Variants in DSCAM observed in about 807,000 individuals in gnomAD.
The protein encoded by DSCAM is DS cell adhesion molecule.
A neutral mutation model predicts 217.7 loss-of-function variants in DSCAM; 47 were observed. That is an observed-to-expected ratio of 0.22 (90% confidence interval 0.17 to 0.28). The LOEUF (loss-of-function observed/expected upper bound fraction) is 0.28. Ranked by LOEUF, DSCAM falls within the 10% of genes least tolerant of loss-of-function variation. The pLI, the probability that DSCAM is intolerant of heterozygous loss-of-function variation, is 1.00. For synonymous variants in DSCAM, 1,056 were observed against 1,015.3 expected, an observed-to-expected ratio of 1.04 and a Z score of -0.76; for missense variants, 2,080 against 2,618.3, an observed-to-expected ratio of 0.79 and a Z score of 4.49.
intron 5 of DSCAM, among the ~76,000 whole-genome samples, chr21:40,350,877 CTTTTTTTTTTTT>C (rs10658416): frequency 3.1e-5 from 2 of 63,872 alleles, no homozygotes; most frequent in South Asian, 8.2e-4. Context: ...ATAAGTCATA[CTTTTTTTTTTTT>C]TTTTTTTTTT....
At chr21:40,140,764 C>T (rs954780343) in intron 18 of DSCAM, among the ~76,000 whole-genome samples, 38 of 152,138 alleles carry the variant, frequency 2.5e-4, no homozygotes, top group African/African-American at 8.0e-4. Flanking sequence ...TAAATCTGCC[C>T]TTCTGTGGGG....
chr21:40,470,690 A>C (rs2075881127), intron 3 of DSCAM, among the ~76,000 whole-genome samples: 1 of 152,268 alleles, frequency 6.6e-6, no homozygotes, highest in East Asian at 1.9e-4. Context: ...AGAAGCTGGA[A>C]CTACAGGTTT....
chr21:40,679,989 T>C (rs1184196329), intron 3 of DSCAM, among the ~76,000 whole-genome samples: 1 of 152,026 alleles, frequency 6.6e-6, no homozygotes, highest in Non-Finnish European at 1.5e-5. Flanking sequence ...ATACAAACAC[T>C]TTAGACAGAA....
At chr21:40,242,334 C>T (rs185147170) in intron 11 of DSCAM, among the ~76,000 whole-genome samples, 1 of 152,308 alleles carries the variant, frequency 6.6e-6, no homozygotes, top group Admixed American at 6.5e-5. Context: ...ACCTGGGAAA[C>T]TTGTTCTGCC....
intron 8 of DSCAM, among the ~76,000 whole-genome samples, chr21:40,330,888 A>G (rs540953352): frequency 6.4e-4 from 98 of 152,346 alleles, no homozygotes; most frequent in Non-Finnish European, 1.1e-3. Flanking sequence ...ATACGTTACC[A>G]TTCTATTTTT....
intron 3 of DSCAM, among the ~76,000 whole-genome samples, chr21:40,553,623 C>T (rs1206859897): frequency 6.6e-6 from 1 of 152,192 alleles, no homozygotes; most frequent in Non-Finnish European, 1.5e-5. Context: ...AATCCTTCCT[C>T]TTCTAGCCAA....
chr21:40,156,393 C>A (rs1246071558), intron 16 of DSCAM, among the ~76,000 whole-genome samples: 1 of 148,904 alleles, frequency 6.7e-6, no homozygotes, highest in Non-Finnish European at 1.5e-5. Flanking sequence ...GTTGTTGCAG[C>A]CTTTGTCATT....
At chr21:40,549,990 G>A (rs1357498954) in intron 3 of DSCAM, among the ~76,000 whole-genome samples, 1 of 152,166 alleles carries the variant, frequency 6.6e-6, no homozygotes, top group Non-Finnish European at 1.5e-5. Context: ...AGGATCCATG[G>A]AGCATCAAGC....
intron 3 of DSCAM, among the ~76,000 whole-genome samples, chr21:40,614,833 A>G (rs548304405): frequency 3.3e-5 from 5 of 152,356 alleles, no homozygotes; most frequent in African/African-American, 1.2e-4. Flanking sequence ...AAGAACATCA[A>G]CAGGATTACA....
chr21:40,777,041 A>G (rs1463132307), intron 1 of DSCAM, among the ~76,000 whole-genome samples: 1 of 152,164 alleles, frequency 6.6e-6, no homozygotes, highest in East Asian at 1.9e-4. Flanking sequence ...CATAGACTGG[A>G]TGACTTATAA....
At chr21:40,523,420 C>T (rs930289022) in intron 3 of DSCAM, among the ~76,000 whole-genome samples, 2 of 151,974 alleles carry the variant, frequency 1.3e-5, no homozygotes, top group African/African-American at 2.4e-5. Context: ...GGCTGGACTT[C>T]GGGAGGAATG....
chr21:40,335,105 T>A (rs1272388939), intron 8 of DSCAM, among the ~76,000 whole-genome samples: 1 of 152,106 alleles, frequency 6.6e-6, no homozygotes, highest in Admixed American at 6.6e-5. Context: ...CTTCCCCAGG[T>A]ATCCATGAGC....
At chr21:40,606,358 C>A (rs902064831) in intron 3 of DSCAM, among the ~76,000 whole-genome samples, 1 of 152,168 alleles carries the variant, frequency 6.6e-6, no homozygotes, top group East Asian at 1.9e-4. Flanking sequence ...TGAGAGCCTG[C>A]ATTGCCAGAT....
At chr21:40,143,195 T>C (rs1384326910) in intron 17 of DSCAM, among the ~76,000 whole-genome samples, 2 of 152,246 alleles carry the variant, frequency 1.3e-5, no homozygotes, top group Non-Finnish European at 2.9e-5. Flanking sequence ...TTCTCCTGTC[T>C]CATCCTCATC....
chr21:40,369,991 A>C (rs921689007), intron 3 of DSCAM, among the ~76,000 whole-genome samples: 2 of 152,178 alleles, frequency 1.3e-5, no homozygotes, highest in East Asian at 1.9e-4. Context: ...AGCACAAAAC[A>C]ATGTCCTATC....
chr21:40,533,545 TCATCCATCCATTCATCCATC>T lies in DSCAM; in HGVS notation c.508+159245_508+159264del, dbSNP rs375581735. Among the ~76,000 whole-genome samples, 143 of 67,484 alleles carry T rather than the reference TCATCCATCCATTCATCCATC, an allele frequency of 2.1e-3. 1 individual carries two copies. Among genetic ancestry groups the T allele is most frequent in the Middle Eastern group, 8.2e-3 (1 of 122 alleles). 44.3% of individuals were successfully genotyped at this position (67,484 alleles called of 152,430 possible). A position where few individuals can be genotyped will look rare whatever the true frequency, so the allele number is the denominator to read the frequency against. On this transcript the variant is annotated intron_variant, in intron 3 of 32. Coordinates refer to ENST00000400454, the MANE Select transcript of DSCAM (RefSeq NM_001389.5). ...TCCATCTGTCCATCCATCCATCCAT[TCATCCATCCATTCATCCATC>T]CATCCATCCATCCATCCAACCATCC...
chr21:40,661,578 G>A (rs1328137741), intron 3 of DSCAM, among the ~76,000 whole-genome samples: 3 of 152,166 alleles, frequency 2.0e-5, no homozygotes, highest in Non-Finnish European at 4.4e-5. Flanking sequence ...AATTTATTGT[G>A]TCTTCTTGGG....
chr21:40,561,028 C>T (rs963399497), intron 3 of DSCAM, among the ~76,000 whole-genome samples: 25 of 152,130 alleles, frequency 1.6e-4, no homozygotes, highest in African/African-American at 6.0e-4. Flanking sequence ...CATTAAGTGT[C>T]GTATGTTAAC....
chr21:40,086,452 G>T (rs533901810), intron 22 of DSCAM, among the ~76,000 whole-genome samples: 77 of 152,228 alleles, frequency 5.1e-4, no homozygotes, highest in Middle Eastern at 3.4e-3. Flanking sequence ...CTACAGTTTG[G>T]TCACTACACC....
Sources: gnomAD v4.1 joint callset for allele counts (sites outside exome capture counted in the v4.1 genomes callset) on GRCh38, gnomAD v4.1.1 for gene constraint, MANE v1.5 for transcripts, NCBI Gene and HGNC (gene_info 2026-07-23, HGNC 2026-07-21) for gene names.